PRKD1: variants seen among roughly 807,000 people sequenced by gnomAD.
PRKD1 encodes the protein protein kinase D1.
In PRKD1, 63 loss-of-function variants were observed where a neutral mutation model predicts 95.9. That is an observed-to-expected ratio of 0.66 (90% CI 0.54 to 0.81). The LOEUF is 0.81. PRKD1 is among the 30% of genes least tolerant of loss of function. The pLI, the probability that PRKD1 is intolerant of heterozygous loss-of-function variation, is 0.00. For synonymous variants in PRKD1, 425 were observed against 423.1 expected (o/e 1.00, Z -0.05); for missense variants, 1,048 against 1,165.3 (o/e 0.90, Z 1.47).
chr14:29,812,996 G>C (rs1011846950), intron 1 of PRKD1, among the ~76,000 whole-genome samples: 2 of 152,130 alleles, frequency 1.3e-5, no homozygotes. Flanking sequence ...TGTGATCCCA[G>C]CTACTCAGGA....
intron 1 of PRKD1, among the ~76,000 whole-genome samples, chr14:29,877,343 C>T (rs76711579): frequency 0.021 from 3,151 of 152,194 alleles, 55 homozygotes; most frequent in East Asian, 0.061. Flanking sequence ...AATGGGGTTG[C>T]TTTGTTTTTC....
chr14:29,658,168 G>GC (rs1881998557), intron 4 of PRKD1, among the ~76,000 whole-genome samples: 1 of 152,066 alleles, frequency 6.6e-6, no homozygotes, highest in African/African-American at 2.4e-5. Flanking sequence ...CCAGTTAGTA[G>GC]CCCTGAATCT....
chr14:29,828,333 G>A (rs1199268453), intron 1 of PRKD1, among the ~76,000 whole-genome samples: 1 of 152,052 alleles, frequency 6.6e-6, no homozygotes, highest in African/African-American at 2.4e-5. Flanking sequence ...AGAGAGAGAA[G>A]GAGAAGGTGC....
Position 29,663,737 on chromosome 14 carries a change from C to A in PRKD1, c.658G>T (p.Ala220Ser), listed in dbSNP as rs1263199338. 6.2e-7 allele frequency: 1 copy of A among 1,613,988 alleles called. No homozygotes were observed. The highest frequency in any genetic ancestry group is 8.5e-7 in the Non-Finnish European group (1 of 1,179,936). Residue 220 changes from alanine to serine, a missense_variant, in exon 4 of 18, where the codon GCT (alanine) becomes TCT (serine). Ala to Ser is a moderately conservative substitution (Grantham distance 99). Coordinates refer to ENST00000331968, the MANE Select transcript of PRKD1 (RefSeq NM_002742.3). ...TGVSTIRTSSAELSTSAPDEP... is the reference protein window; with the variant it reads ...TGVSTIRTSSSELSTSAPDEP... The stretch of plus-strand genomic sequence containing the variant: ...TCAGGGGCACTTGTAGAGAGTTCAG[C>A]AGATGATGTGCGGATGGTGCTGACC...
intron 1 of PRKD1, among the ~76,000 whole-genome samples, chr14:29,900,442 T>TA (rs1236719196): frequency 1.3e-5 from 2 of 152,144 alleles, no homozygotes; most frequent in Non-Finnish European, 2.9e-5. Flanking sequence ...AGCATATCAC[T>TA]AAGTCCCCAA....
At chr14:29,838,640 T>C (rs748420993) in intron 1 of PRKD1, among the ~76,000 whole-genome samples, 3 of 152,146 alleles carry the variant, frequency 2.0e-5, no homozygotes, top group African/African-American at 7.2e-5. Flanking sequence ...CACTGTAAAA[T>C]TGAAAACATG....
intron 1 of PRKD1, among the ~76,000 whole-genome samples, chr14:29,829,346 T>A (rs1891315449): frequency 1.3e-5 from 2 of 152,196 alleles, no homozygotes; most frequent in Non-Finnish European, 2.9e-5. Flanking sequence ...TGGAATAAGG[T>A]CCACAATTAA....
intron 16 of PRKD1, chr14:29,594,266 T>G: frequency 3.1e-6 from 1 of 322,646 alleles, no homozygotes; most frequent in Non-Finnish European, 6.1e-6. Flanking sequence ...TTCTTTTGCT[T>G]TTTCATGCCA....
intron 4 of PRKD1, among the ~76,000 whole-genome samples, chr14:29,662,134 T>C (rs1882224005): frequency 6.6e-6 from 1 of 152,172 alleles, no homozygotes. Context: ...TATACTTACA[T>C]AAGCTAAATT....
In PRKD1 at chr14:29,617,633, A is replaced by C. The variant is rs539243226; in HGVS notation, c.1905+6519T>G. On this transcript the variant is annotated intron_variant, in intron 13 of 17. Coordinates refer to ENST00000331968, the MANE Select transcript of PRKD1 (RefSeq NM_002742.3). ...GTGAATCCATTAGAATTATATGTACACATATTTTTCTTAACCTTTATATGC... is the reference window on the plus strand; with the variant it reads ...GTGAATCCATTAGAATTATATGTACCCATATTTTTCTTAACCTTTATATGC... Among the ~76,000 whole-genome samples, 4 of 152,350 alleles carry C rather than the reference A, an allele frequency of 2.6e-5. No individual in the cohort carries two copies. The East Asian group carries it at 7.7e-4, about 29-fold the overall frequency.
intron 1 of PRKD1, among the ~76,000 whole-genome samples, chr14:29,774,671 T>C (rs1207958872): frequency 6.6e-6 from 1 of 152,184 alleles, no homozygotes; most frequent in Non-Finnish European, 1.5e-5. Context: ...TTCAACTAAA[T>C]TCCCACAGCA....
intron 4 of PRKD1, among the ~76,000 whole-genome samples, chr14:29,660,192 C>T (rs139606163): frequency 2.0e-5 from 3 of 152,242 alleles, no homozygotes; most frequent in African/African-American, 7.2e-5. Context: ...GCAGTTTTTC[C>T]CTTGTCATAA....
At chr14:29,912,628 A>C (rs560931905) in intron 1 of PRKD1, among the ~76,000 whole-genome samples, 377 of 152,342 alleles carry the variant, frequency 2.5e-3, no homozygotes, top group African/African-American at 8.8e-3. Context: ...GGACAACCCA[A>C]CTTCCAAAAT....
chr14:29,701,643 A>G (rs1051601233), intron 2 of PRKD1, among the ~76,000 whole-genome samples: 2 of 152,142 alleles, frequency 1.3e-5, no homozygotes, highest in African/African-American at 4.8e-5. Flanking sequence ...GGTAGTCAAT[A>G]CTTTTTCTTT....
intron 16 of PRKD1, among the ~76,000 whole-genome samples, chr14:29,583,284 C>T (rs980076865): frequency 6.6e-6 from 1 of 152,048 alleles, no homozygotes; most frequent in African/African-American, 2.4e-5. Flanking sequence ...AAACAGATGC[C>T]GTTTAAATAG....
chr14:29,826,826 T>TAC (rs1310237149), intron 1 of PRKD1, among the ~76,000 whole-genome samples: 1,902 of 21,022 alleles, frequency 0.09, 381 homozygotes, highest in Non-Finnish European at 0.12. Context: ...CATATATATA[T>TAC]ATATATATAT....
At chr14:29,656,386 G>A in intron 4 of PRKD1, 2 of 1,309,456 alleles carry the variant, frequency 1.5e-6, no homozygotes, top group Non-Finnish European at 1.1e-6. Context: ...CATAAAGTCA[G>A]TACAGACAAT....
intron 4 of PRKD1, among the ~76,000 whole-genome samples, chr14:29,643,371 T>C (rs1005311401): frequency 1.4e-4 from 21 of 152,158 alleles, no homozygotes; most frequent in African/African-American, 4.8e-4. Context: ...AAATAAAAAT[T>C]ATGAAGATCA....
chr14:29,741,487 G>A (rs1250327200), intron 1 of PRKD1, among the ~76,000 whole-genome samples: 1 of 152,150 alleles, frequency 6.6e-6, no homozygotes, highest in East Asian at 1.9e-4. Context: ...CATATGTAAA[G>A]TAATTACTAT....
Sources: gnomAD v4.1 joint callset for allele counts (sites outside exome capture counted in the v4.1 genomes callset) on GRCh38, gnomAD v4.1.1 for gene constraint, MANE v1.5 for transcripts, NCBI Gene and HGNC (gene_info 2026-07-23, HGNC 2026-07-21) for gene names.